PSIP1: variants seen among roughly 807,000 people sequenced by gnomAD.
PSIP1 encodes the protein PC4 and SRSF1 interacting protein 1.
A neutral mutation model predicts 74.7 loss-of-function variants in PSIP1; 19 were observed. The ratio of observed to expected loss-of-function variants is 0.25; its 90% CI spans 0.18 to 0.37. The LOEUF is 0.37. PSIP1 is among the 10% of genes least tolerant of loss of function. The pLI is 1.00. For synonymous variants in PSIP1, 222 were observed against 195.3 expected (o/e 1.14, Z -1.14); for missense variants, 601 against 614.3 (o/e 0.98, Z 0.23).
chr9:15,466,632 G>T, intron 15 of PSIP1, 116 bp downstream of exon 15: 2 of 724,344 alleles, frequency 2.8e-6, no homozygotes, highest in Non-Finnish European at 4.3e-6. Flanking sequence ...CTGAATTCAG[G>T]AATTGGGTGA....
intron 4 of PSIP1, among the ~76,000 whole-genome samples, chr9:15,488,325 C>T (rs959851969): frequency 1.3e-5 from 2 of 152,050 alleles, no homozygotes; most frequent in African/African-American, 4.8e-5. Flanking sequence ...AGTGAGACTC[C>T]ATCTCAACAA....
intron 2 of PSIP1, among the ~76,000 whole-genome samples, chr9:15,508,431 A>G (rs959492577): frequency 9.2e-5 from 14 of 152,352 alleles, no homozygotes; most frequent in African/African-American, 3.4e-4. Flanking sequence ...TTAAATGTAG[A>G]ACTTGTTAAA....
intron 6 of PSIP1, among the ~76,000 whole-genome samples, chr9:15,482,419 G>A (rs1033015635): frequency 1.3e-5 from 2 of 152,044 alleles, no homozygotes; most frequent in Non-Finnish European, 2.9e-5. Flanking sequence ...TATTCTTCCC[G>A]ACTTGTACCA....
intron 14 of PSIP1, among the ~76,000 whole-genome samples, chr9:15,467,135 G>C (rs1240750201): frequency 6.6e-6 from 1 of 152,146 alleles, no homozygotes; most frequent in Non-Finnish European, 1.5e-5. Flanking sequence ...ACAGGAAGTG[G>C]ATTATTAATC....
At chr9:15,473,927 C>CAAAAAA in intron 9 of PSIP1, 82 bp downstream of exon 9, 2 of 514,484 alleles carry the variant, frequency 3.9e-6, no homozygotes, top group South Asian at 5.6e-5. Flanking sequence ...AAAAAAAAAA[C>CAAAAAA]AAAAAAAAAA....
intron 6 of PSIP1, among the ~76,000 whole-genome samples, chr9:15,485,725 G>A (rs1247903746): frequency 2.0e-5 from 3 of 152,150 alleles, no homozygotes; most frequent in African/African-American, 4.8e-5. Flanking sequence ...CAACCTTGGA[G>A]TATATATTTC....
chr9:15,478,828 A>C (rs978489612), intron 7 of PSIP1, among the ~76,000 whole-genome samples: 1 of 152,086 alleles, frequency 6.6e-6, no homozygotes, highest in Middle Eastern at 3.2e-3. Context: ...TTTAACAGTA[A>C]TGTCACAAAA....
chr9:15,492,687 C>T (rs191664284), intron 3 of PSIP1, among the ~76,000 whole-genome samples: 4 of 152,324 alleles, frequency 2.6e-5, no homozygotes, highest in Admixed American at 2.0e-4. Flanking sequence ...ACGAAGTCTT[C>T]GTCCCTGCAG....
intron 2 of PSIP1, among the ~76,000 whole-genome samples, chr9:15,509,394 A>G (rs2037745597): frequency 6.6e-6 from 1 of 152,232 alleles, no homozygotes; most frequent in Admixed American, 6.5e-5. Flanking sequence ...CAATTCCTCA[A>G]TGTCACAAAA....
chr9:15,488,235 G>C (rs1306982896), intron 4 of PSIP1, among the ~76,000 whole-genome samples: 1 of 152,122 alleles, frequency 6.6e-6, no homozygotes, highest in Non-Finnish European at 1.5e-5. Context: ...AGGAGGCTGA[G>C]GCAGGAGAAT....
At chr9:15,465,849 C>A (rs1431935231) in intron 15 of PSIP1, 4 of 340,302 alleles carry the variant, frequency 1.2e-5, no homozygotes, top group Non-Finnish European at 2.1e-5. Flanking sequence ...CCCTTTCCAT[C>A]ATTTCTAGCA....
intron 6 of PSIP1, among the ~76,000 whole-genome samples, chr9:15,482,515 G>T (rs912679674): frequency 6.6e-6 from 1 of 152,124 alleles, no homozygotes; most frequent in African/African-American, 2.4e-5. Flanking sequence ...AGTGTCCCAA[G>T]AAATTTTCAG....
intron 2 of PSIP1, among the ~76,000 whole-genome samples, chr9:15,509,439 A>G (rs1295464096): frequency 3.3e-5 from 5 of 152,248 alleles, no homozygotes; most frequent in Non-Finnish European, 7.3e-5. Flanking sequence ...CTGTACCACT[A>G]GATGTGAACT....
intron 4 of PSIP1, 33 bp from the exon 5 acceptor site, chr9:15,486,964 A>G (rs367770036): frequency 3.7e-5 from 50 of 1,355,420 alleles, no homozygotes; most frequent in African/African-American, 3.3e-4. Flanking sequence ...ATTTCAAAAA[A>G]TAAGTTTTTA....
At chr9:15,483,884 T>G (rs965023922) in intron 6 of PSIP1, among the ~76,000 whole-genome samples, 1 of 152,052 alleles carries the variant, frequency 6.6e-6, no homozygotes, top group Non-Finnish European at 1.5e-5. Flanking sequence ...TCCCAGCACT[T>G]TGGGAGGCAG....
intron 3 of PSIP1, among the ~76,000 whole-genome samples, chr9:15,494,995 C>T (rs543661544): frequency 3.2e-4 from 48 of 152,120 alleles, no homozygotes; most frequent in Non-Finnish European, 5.9e-4. Context: ...TCCTGAAAAA[C>T]CAGAAAAACA....
chr9:15,466,468 C>T (rs1033701374), intron 15 of PSIP1, among the ~76,000 whole-genome samples: 1 of 152,212 alleles, frequency 6.6e-6, no homozygotes, highest in Non-Finnish European at 1.5e-5. Flanking sequence ...GAATGCAAGT[C>T]ATTACTAACA....
chr9:15,510,005 G>C, intron 2 of PSIP1, 112 bp downstream of exon 2: 1 of 1,103,108 alleles, frequency 9.1e-7, no homozygotes, highest in African/African-American at 1.6e-5. Context: ...TTACAAATGA[G>C]ACTAAAGCGA....
intron 11 of PSIP1, among the ~76,000 whole-genome samples, 174 bp from the exon 12 acceptor site, chr9:15,469,510 A>T (rs904529479): frequency 1.3e-5 from 2 of 152,140 alleles, no homozygotes; most frequent in Non-Finnish European, 2.9e-5. Context: ...ACTTATTGCC[A>T]TTTTTAGTGG....
Sources: allele counts gnomAD v4.1 joint callset (sites outside exome capture counted in the v4.1 genomes callset), GRCh38; gene constraint gnomAD v4.1.1; transcripts MANE v1.5; gene names NCBI Gene and HGNC (gene_info 2026-07-23, HGNC 2026-07-21).